Variants in CCDC17 observed in about 807,000 individuals in gnomAD.
CCDC17 encodes the protein coiled-coil domain containing 17, also known as coiled-coil domain-containing protein 17.
A neutral mutation model predicts 68.0 loss-of-function variants in CCDC17; 79 were observed. The ratio of observed to expected loss-of-function variants is 1.16; its 90% CI spans 0.97 to 1.40. The LOEUF (loss-of-function observed/expected upper bound fraction) is 1.40. CCDC17 is among the 40% of genes most tolerant of loss of function. The pLI is 0.00. For synonymous variants in CCDC17, 376 were observed against 337.5 expected, an observed-to-expected ratio of 1.11 and a Z score of -1.25; for missense variants, 846 against 811.5, an observed-to-expected ratio of 1.04 and a Z score of -0.52.
chr1:45,621,053 T>C lies in CCDC17; in HGVS notation c.1449A>G (p.Ala483=). The C allele has an allele frequency of 6.2e-7, 1 of 1,613,998 alleles. No homozygotes were observed. The highest frequency in any genetic ancestry group is 8.5e-7 in the Non-Finnish European group (1 of 1,179,876). ...CCTTTGGCTGTGGTGCCCTAGCCCA[T>C]GCTAGCCCCTGCCAGACCTGCAGCT... ...VCELQVWQGL[A]WARAPQPKAW... The change falls in exon 11 of 13, where the codon GCA becomes GCG. Residue 483 remains alanine (A), a synonymous_variant. Transcript: ENST00000528266.
At position 45,623,032 on chromosome 1, in the gene CCDC17, T is replaced by C. The variant is rs1258838175; in HGVS notation, c.579A>G (p.Leu193=). The change falls in exon 4 of 13, where the codon CTA becomes CTG. Residue 193 remains leucine, a synonymous_variant. Coordinates refer to ENST00000528266, the MANE Select transcript of CCDC17 (RefSeq NM_001114938.3). ...LFGLEQEIRE[L]QAEAGRTRGA... Reference sequence around the variant, plus strand: ...CCCGCGTCCTCCCGGCCTCAGCTTGTAGTTCTCGAATCTCCTGCTCCAGGC... The same window carrying C: ...CCCGCGTCCTCCCGGCCTCAGCTTGCAGTTCTCGAATCTCCTGCTCCAGGC... 1 of 1,612,738 alleles carries C rather than the reference T, an allele frequency of 6.2e-7. No individual in the cohort carries two copies. The highest frequency in any genetic ancestry group is 2.2e-5 in the East Asian group (1 of 44,848).
chr1:45,622,539 T>C lies in CCDC17; in HGVS notation c.859+10A>G, dbSNP rs1557679190. On this transcript the variant is annotated intron_variant, in intron 6 of 12. Coordinates refer to ENST00000528266, the MANE Select transcript of CCDC17 (RefSeq NM_001114938.3). The stretch of plus-strand genomic sequence containing the variant: ...ACTGACCACCGCTGGCGAGAGGCCC[T>C]CCTGTTCACCTCTGCGGGTCTGCGA... 1 of 1,550,920 alleles carries C rather than the reference T, an allele frequency of 6.4e-7. No homozygotes were observed. Among genetic ancestry groups the C allele is most frequent in the East Asian group, 2.4e-5 (1 of 40,916 alleles).
chr1:45,622,380 G>T, intron 6 of CCDC17, 32 bp from the exon 7 acceptor site: 1 of 1,577,980 alleles, frequency 6.3e-7, no homozygotes, highest in Non-Finnish European at 8.6e-7. Flanking sequence ...TGTCACCTTT[G>T]ACCTCTGGTG....
In CCDC17 at chr1:45,621,417, T is replaced by C. The variant is rs1444726712; in HGVS notation, c.1252A>G (p.Arg418Gly). The change falls in exon 10 of 13, where the codon AGG (arginine) becomes GGG (glycine). Residue 418 changes from arginine (R) to glycine (G), a missense_variant. By Grantham distance (125) the Arg-to-Gly change is moderately radical. Transcript: ENST00000528266. ...CGTCCATCGCGTGCCAAGCCAGTCC[T>C]TAGTTGCACCCAAATCCAGGAAGCC... Reference protein sequence around the residue: ...LEASWIWVQLRTGLARDGRDT... With the variant: ...LEASWIWVQLGTGLARDGRDT... The C allele has an allele frequency of 1.3e-6, 2 of 1,598,100 alleles. No individual in the cohort carries two copies. The highest frequency in any genetic ancestry group is 1.1e-5 in the South Asian group (1 of 88,068).
At chr1:45,622,884 G>C in intron 4 of CCDC17, 50 bp from the exon 5 acceptor site, 3 of 1,573,258 alleles carry the variant, frequency 1.9e-6, no homozygotes, top group East Asian at 2.4e-5. Flanking sequence ...CAGAGGCCCC[G>C]GGGCTGCAGC....
At position 45,620,989 on chromosome 1, in the gene CCDC17, C is replaced by T. The variant is rs1242246406; in HGVS notation, c.1513G>A (p.Val505Met). ...GGGAGGCGCCAGCGGCCACTTAGCA[C>T]CCGCTGATCTTGGTCAAATAGTCCA... ...SLGLFDQDQR[V>M]LSGRWRLPLR... Residue 505 changes from valine (V) to methionine (M), a missense_variant, in exon 11 of 13, where the codon GTG becomes ATG. By Grantham distance (21) the Val-to-Met change is conservative. Coordinates refer to ENST00000528266, the MANE Select transcript of CCDC17 (RefSeq NM_001114938.3). 2 of 1,613,850 alleles carry T rather than the reference C, an allele frequency of 1.2e-6. No homozygotes were observed. The highest frequency in any genetic ancestry group is 1.3e-5 in the African/African-American group (1 of 75,052).
Position 45,622,774 on chromosome 1 carries a change from C to G in CCDC17, c.717G>C (p.Pro239=), listed in dbSNP as rs141786275. 2.7e-5 allele frequency: 43 copies of G among 1,598,722 alleles called. No individual in the cohort carries two copies. In the Admixed American group the frequency reaches 4.1e-4, roughly 15 times the overall value. ...ACCGGATTTCGGCAGCCAGAGTTCC[C>G]GGGTTGGCCTTTTGCACTGGAGAAT... The part of the protein sequence containing the change: ...ELYSPVQKAN[P]GTLAAEIRAL... The change falls in exon 5 of 13, where the codon CCG becomes CCC. Residue 239 remains proline, a synonymous_variant. Coordinates refer to ENST00000528266, the MANE Select transcript of CCDC17 (RefSeq NM_001114938.3).
Position 45,621,092 on chromosome 1 carries a change from TACTG to T in CCDC17, c.1406_1409del (p.Ser469TyrfsTer13). 1 of 1,613,714 alleles carries T rather than the reference TACTG, an allele frequency of 6.2e-7. No individual in the cohort carries two copies. Among genetic ancestry groups the T allele is most frequent in the Non-Finnish European group, 8.5e-7 (1 of 1,179,662 alleles). ...AGACCTGCAGCTCACAGACCAAAGATACTGATGATGAGGGTGGTAGTCTGTAGAA... is the reference window on the plus strand; with the variant it reads ...AGACCTGCAGCTCACAGACCAAAGATATGATGAGGGTGGTAGTCTGTAGAA... On this transcript the variant is annotated frameshift_variant, in exon 11 of 13. Transcript: ENST00000528266. LOFTEE classifies it high-confidence loss of function.
chr1:45,623,152 A>G, intron 3 of CCDC17, 35 bp from the exon 4 acceptor site: 2 of 1,538,164 alleles, frequency 1.3e-6, no homozygotes, highest in Non-Finnish European at 1.8e-6. Flanking sequence ...AACCGGCCCG[A>G]GCAAGCTTAA....
In CCDC17 at chr1:45,621,862, ACCCAAGAACTGAACCTCCGAGAAG is replaced by A. The variant is rs1273108045; in HGVS notation, c.1077_1086+14del. On this transcript the variant is annotated splice_donor_variant and splice_donor_5th_base_variant and coding_sequence_variant and intron_variant, in exon 8 of 13. Transcript: ENST00000528266. LOFTEE classifies it high-confidence loss of function. ...CCCGTGTCCTCACAGCCTTTGCCCC[ACCCAAGAACTGAACCTCCGAGAAG>A]CCTGGAAGTGGTGGCAGCGGTGGTG... is the stretch of plus-strand genomic sequence containing the variant. 6.3e-7 allele frequency: 1 copy of A among 1,590,734 alleles called. No homozygotes were observed. Among genetic ancestry groups the A allele is most frequent in the Admixed American group, 1.8e-5 (1 of 56,634 alleles).
rs1193359868 is a variant in CCDC17, at chr1:45,622,869, C to T, written c.657-35G>A. 3.2e-6 allele frequency: 5 copies of T among 1,577,952 alleles called. No individual in the cohort carries two copies. In the Admixed American group the frequency reaches 9.1e-5, roughly 29 times the overall value. On this transcript the variant is annotated intron_variant, in intron 4 of 12. Coordinates refer to ENST00000528266, the MANE Select transcript of CCDC17 (RefSeq NM_001114938.3). ...CAGGCGACGCGCAGGGAGACGGTAA[C>T]GCATCAGAGGCCCCGGGGCTGCAGC...
At position 45,621,980 on chromosome 1, in the gene CCDC17, C is replaced by T. The variant is rs1157119790; in HGVS notation, c.983G>A (p.Arg328Gln). ...TTGTAGGCTGGCATCCCCCAGGAGTCGCAGATCCTGGGGCCCTAGGAGCAG... is the reference window on the plus strand; with the variant it reads ...TTGTAGGCTGGCATCCCCCAGGAGTTGCAGATCCTGGGGCCCTAGGAGCAG... ...GRAPLGPQDL[R>Q]LLGDASLQPK... is the part of the protein sequence containing the mutation. Residue 328 changes from arginine (R) to glutamine (Q), a missense_variant, in exon 8 of 13, where the codon CGA (arginine) becomes CAA (glutamine). By Grantham distance (43) the Arg-to-Gln change is conservative. Coordinates refer to ENST00000528266, the MANE Select transcript of CCDC17 (RefSeq NM_001114938.3). 1.7e-5 allele frequency: 27 copies of T among 1,608,192 alleles called. No homozygotes were observed. The highest frequency in any genetic ancestry group is 8.9e-5 in the East Asian group (4 of 44,704).
Position 45,623,373 on chromosome 1 carries a change from C to T in CCDC17, c.337G>A (p.Ala113Thr). The part of the protein sequence containing the change: ...PWITEVPRVF[A>T]GPWTRSEARP... ...GCCTCGGAACGTGTCCAGGGCCCCGCGAACACCCTGGGGACCTCTGTTATC... is the reference window on the plus strand; with the variant it reads ...GCCTCGGAACGTGTCCAGGGCCCCGTGAACACCCTGGGGACCTCTGTTATC... The change falls in exon 3 of 13, where the codon GCG (alanine) becomes ACG (threonine). Residue 113 changes from alanine to threonine, a missense_variant. Coordinates refer to ENST00000528266, the MANE Select transcript of CCDC17 (RefSeq NM_001114938.3). 6.4e-7 allele frequency: 1 copy of T among 1,550,706 alleles called. No individual in the cohort carries two copies. Among genetic ancestry groups the T allele is most frequent in the South Asian group, 1.2e-5 (1 of 84,062 alleles).
intron 7 of CCDC17, 100 bp downstream of exon 7, chr1:45,622,139 GGA>G: frequency 7.7e-7 from 1 of 1,295,206 alleles, no homozygotes; most frequent in Non-Finnish European, 1.1e-6. Flanking sequence ...ATGAACTAGG[GGA>G]GTCACAAACA....
rs772293206 is a variant in CCDC17 at position 45,623,041 on chromosome 1, A to C, written c.570T>G (p.Ile190Met). Residue 190 changes from isoleucine (I) to methionine (M), a missense_variant, in exon 4 of 13, where the codon ATT becomes ATG. Ile to Met is a conservative substitution (Grantham distance 10, BLOSUM62 1). Transcript: ENST00000528266. The stretch of plus-strand genomic sequence containing the variant: ...TCCCGGCCTCAGCTTGTAGTTCTCG[A>C]ATCTCCTGCTCCAGGCCGAAGAGGC... ...MSRLFGLEQE[I>M]RELQAEAGRT... is the part of the protein sequence containing the mutation. The C allele has an allele frequency of 3.1e-6, 5 of 1,612,400 alleles. No homozygotes were observed. In the South Asian group the frequency reaches 4.4e-5, roughly 14 times the overall value.
Position 45,620,287 on chromosome 1 carries a change from T to G in CCDC17, c.1857A>C (p.Pro619=), listed in dbSNP as rs1243841181. The part of the protein sequence containing the change: ...LGPHHSSDLP[P]VSF ...CATTCACTTGGGTTCAGAAACTCAC[T>G]GGGGGCAAGTCAGAACTGTGGTGAG... Residue 619 remains proline, a synonymous_variant, in exon 13 of 13, where the codon CCA becomes CCC. Transcript: ENST00000528266. The G allele has an allele frequency of 6.2e-7, 1 of 1,609,904 alleles. No homozygotes were observed. The highest frequency in any genetic ancestry group is 1.1e-5 in the South Asian group (1 of 90,124).
chr1:45,620,779 G>A lies in CCDC17; in HGVS notation c.1654C>T (p.Gln552Ter). ...RLVNARDAAV[Q>*]TLAEINPASV... Reference sequence around the variant, plus strand: ...GCTGGATTGATCTCTGCCAGTGTCTGTACAGCTGCATCTCTTGCATTCACC... The same window carrying A: ...GCTGGATTGATCTCTGCCAGTGTCTATACAGCTGCATCTCTTGCATTCACC... The change falls in exon 12 of 13, where the codon CAG becomes TAG. Residue 552 changes from glutamine (Q) to a stop codon, truncating the protein, a stop_gained. Coordinates refer to ENST00000528266, the MANE Select transcript of CCDC17 (RefSeq NM_001114938.3). LOFTEE classifies it high-confidence loss of function. 2 of 1,611,450 alleles carry A rather than the reference G, an allele frequency of 1.2e-6. No homozygotes were observed. Among genetic ancestry groups the A allele is most frequent in the South Asian group, 2.2e-5 (2 of 90,458 alleles).
chr1:45,623,506 T>C (rs1644353477), intron 2 of CCDC17, 51 bp downstream of exon 2: 1 of 1,548,858 alleles, frequency 6.5e-7, no homozygotes, highest in African/African-American at 1.4e-5. Context: ...TCTACAGGTT[T>C]GGGGAAGACG....
rs990438324 is a variant in CCDC17, at chr1:45,621,402, G to A, written c.1267C>T (p.Arg423Cys). 14 of 1,595,676 alleles carry A rather than the reference G, an allele frequency of 8.8e-6. No individual in the cohort carries two copies. Among genetic ancestry groups the A allele is most frequent in the Middle Eastern group, 1.6e-4 (1 of 6,070 alleles). Residue 423 changes from arginine (R) to cysteine (C), a missense_variant, in exon 10 of 13, where the codon CGC becomes TGC. Transcript: ENST00000528266. ...GTCCTTCCTGTATCCCGTCCATCGC[G>A]TGCCAAGCCAGTCCTTAGTTGCACC... ...IWVQLRTGLARDGRDTGRTTA... is the reference protein window; with the variant it reads ...IWVQLRTGLACDGRDTGRTTA...
Sources: allele counts gnomAD v4.1 joint callset, GRCh38; gene constraint gnomAD v4.1.1; transcripts MANE v1.5; gene names NCBI Gene and HGNC (gene_info 2026-07-23, HGNC 2026-07-21).